Variants in ARHGAP26 observed in about 807,000 individuals in gnomAD.
ARHGAP26 encodes rho GTPase-activating protein 26.
In ARHGAP26, 38 loss-of-function variants were observed where a neutral mutation model predicts 104.8. That is an observed-to-expected ratio of 0.36 (90% CI 0.28 to 0.48). The LOEUF is 0.48. Among genes scored for constraint, ARHGAP26 ranks in the 20% least tolerant of loss-of-function variants. The probability of loss-of-function intolerance (pLI) is 0.99; values close to 1 mark genes in which losing one functional copy is unlikely to be tolerated. For synonymous variants in ARHGAP26, 341 were observed against 340.0 expected (o/e 1.00, Z -0.03); for missense variants, 704 against 947.9 (o/e 0.74, Z 3.38).
intron 18 of ARHGAP26, among the ~76,000 whole-genome samples, chr5:143,133,596 T>C (rs999897394): frequency 1.3e-5 from 2 of 152,228 alleles, no homozygotes; most frequent in Non-Finnish European, 2.9e-5. Flanking sequence ...GAATTTTTGA[T>C]TCATTGGTTC....
Position 142,770,635 on chromosome 5 carries a change from G to C in ARHGAP26, c.-127G>C. 1.5e-6 allele frequency: 1 copy of C among 663,886 alleles called. No homozygotes were observed. The allele number at this position is 663,886 out of a possible 1,614,324, so 41.1% of individuals were successfully genotyped here. On this transcript the variant is annotated 5_prime_UTR_variant, in exon 1 of 23. Transcript: ENST00000645722. ...CGGACACCGCGCGCGGAGTGAGCCAGCGCCACACCTGTGGAGCCGGCGGCC... is the reference window on the plus strand; with the variant it reads ...CGGACACCGCGCGCGGAGTGAGCCACCGCCACACCTGTGGAGCCGGCGGCC...
At chr5:143,202,400 C>T (rs754619084) in intron 20 of ARHGAP26, 19 of 151,868 alleles carry the variant, frequency 1.3e-4, no homozygotes, top group Non-Finnish European at 2.4e-4. Context: ...GACCACTGCT[C>T]GAGGAAATAA....
intron 11 of ARHGAP26, among the ~76,000 whole-genome samples, chr5:142,973,493 CG>C (rs781597670): frequency 2.1e-4 from 32 of 152,266 alleles, no homozygotes; most frequent in Non-Finnish European, 4.1e-4. Flanking sequence ...TTGAAATGTT[CG>C]GGGAGCGAGA....
At chr5:142,839,884 G>C (rs1431304931) in intron 1 of ARHGAP26, among the ~76,000 whole-genome samples, 1 of 140,380 alleles carries the variant, frequency 7.1e-6, no homozygotes, top group Non-Finnish European at 1.5e-5. Context: ...TTGCGACAGA[G>C]AGAGAGAGAG....
intron 11 of ARHGAP26, among the ~76,000 whole-genome samples, chr5:142,977,812 G>A (rs921095594): frequency 6.6e-6 from 1 of 152,172 alleles, no homozygotes; most frequent in Non-Finnish European, 1.5e-5. Context: ...TCAGAGATGC[G>A]CCAGGGTGTA....
intron 8 of ARHGAP26, among the ~76,000 whole-genome samples, chr5:142,905,122 G>A (rs1428763227): frequency 6.6e-6 from 1 of 152,160 alleles, no homozygotes; most frequent in Non-Finnish European, 1.5e-5. Flanking sequence ...TTTGCCCAGT[G>A]AGAAGATCCC....
chr5:142,815,984 A>C (rs1765052356), intron 1 of ARHGAP26, among the ~76,000 whole-genome samples: 1 of 151,050 alleles, frequency 6.6e-6, no homozygotes, highest in African/African-American at 2.4e-5. Flanking sequence ...ATTTTTGTAG[A>C]GATGAGGTCC....
chr5:142,781,875 C>A (rs1757573754), intron 1 of ARHGAP26, among the ~76,000 whole-genome samples: 1 of 152,192 alleles, frequency 6.6e-6, no homozygotes, highest in Admixed American at 6.5e-5. Flanking sequence ...CCATGCCCGG[C>A]TAATTTTTTG....
chr5:142,853,626 G>A (rs1172049449), intron 1 of ARHGAP26, among the ~76,000 whole-genome samples: 1 of 152,202 alleles, frequency 6.6e-6, no homozygotes, highest in Non-Finnish European at 1.5e-5. Context: ...TTTGGGGAGA[G>A]TTGAATGAAT....
chr5:142,994,217 G>A (rs1360357249), intron 11 of ARHGAP26, among the ~76,000 whole-genome samples: 1 of 152,224 alleles, frequency 6.6e-6, no homozygotes, highest in Non-Finnish European at 1.5e-5. Flanking sequence ...GCACGTATAG[G>A]TAGGGCATTG....
At chr5:143,065,033 C>T (rs3776329) in intron 17 of ARHGAP26, among the ~76,000 whole-genome samples, 4 of 151,992 alleles carry the variant, frequency 2.6e-5, no homozygotes, top group Admixed American at 6.5e-5. Context: ...TTCATCTCTT[C>T]CTTTTCTGAG....
chr5:142,948,221 A>G (rs907721331), intron 11 of ARHGAP26, among the ~76,000 whole-genome samples: 1 of 152,030 alleles, frequency 6.6e-6, no homozygotes, highest in African/African-American at 2.4e-5. Flanking sequence ...CACACCAGAG[A>G]AAGTCTCAGG....
intron 1 of ARHGAP26, among the ~76,000 whole-genome samples, chr5:142,813,221 G>A (rs559650441): frequency 2.3e-4 from 35 of 152,272 alleles, no homozygotes; most frequent in East Asian, 1.2e-3. Context: ...GATTACAGGC[G>A]TGAGCCACCA....
At chr5:142,771,354 C>T (rs1469190656) in intron 1 of ARHGAP26, 6 of 1,231,890 alleles carry the variant, frequency 4.9e-6, no homozygotes, top group Non-Finnish European at 6.1e-6. Flanking sequence ...GCCGAGGGGG[C>T]GCTGCCTCCC....
intron 1 of ARHGAP26, among the ~76,000 whole-genome samples, chr5:142,870,516 T>G (rs1048976019): frequency 2.6e-5 from 4 of 152,242 alleles, no homozygotes; most frequent in Non-Finnish European, 1.5e-5. Context: ...CTTAGTGGCC[T>G]TGCACTCTTA....
intron 20 of ARHGAP26, among the ~76,000 whole-genome samples, chr5:143,188,283 T>C (rs981958993): frequency 1.3e-5 from 2 of 152,174 alleles, no homozygotes; most frequent in Non-Finnish European, 2.9e-5. Context: ...CCAAGATCAG[T>C]GGTTCCCATC....
intron 1 of ARHGAP26, among the ~76,000 whole-genome samples, chr5:142,813,702 A>C (rs1233409924): frequency 1.3e-5 from 2 of 152,124 alleles, no homozygotes; most frequent in East Asian, 3.9e-4. Flanking sequence ...TTTTCTTATA[A>C]GGTCACCATA....
At chr5:142,808,972 C>G (rs781225316) in intron 1 of ARHGAP26, among the ~76,000 whole-genome samples, 3 of 152,174 alleles carry the variant, frequency 2.0e-5, no homozygotes, top group Non-Finnish European at 2.9e-5. Context: ...GGCACCTTGC[C>G]CATCAGATGG....
At chr5:143,134,388 A>G (rs149239813) in intron 19 of ARHGAP26, among the ~76,000 whole-genome samples, 172 of 152,274 alleles carry the variant, frequency 1.1e-3, no homozygotes, top group African/African-American at 3.9e-3. Context: ...CCTACACAAT[A>G]AGAGCTGAGC....
Sources: allele counts gnomAD v4.1 joint callset (sites outside exome capture counted in the v4.1 genomes callset), GRCh38; gene constraint gnomAD v4.1.1; transcripts MANE v1.5; gene names NCBI Gene and HGNC (gene_info 2026-07-23, HGNC 2026-07-21).